FBN2: variants seen among roughly 807,000 people sequenced by gnomAD.
The protein encoded by FBN2 is fibrillin 2.
A neutral mutation model predicts 355.6 loss-of-function variants in FBN2; 105 were observed. That is an observed-to-expected ratio of 0.30 (90% CI 0.25 to 0.35). The LOEUF (loss-of-function observed/expected upper bound fraction) is 0.35, where lower values mean the gene tolerates loss of function less well. Among genes scored for constraint, FBN2 ranks in the 10% least tolerant of loss-of-function variants. The pLI is 1.00. For missense variants in FBN2, 3,280 were observed against 3,758.7 expected, an observed-to-expected ratio of 0.87 and a Z score of 3.33; for synonymous variants, 1,350 against 1,301.2, an observed-to-expected ratio of 1.04 and a Z score of -0.81.
intron 6 of FBN2, among the ~76,000 whole-genome samples, chr5:128,463,591 G>C (rs1754617254): frequency 6.6e-6 from 1 of 152,098 alleles, no homozygotes; most frequent in Non-Finnish European, 1.5e-5. Flanking sequence ...AAAAATCTGT[G>C]GATGCTGCTG....
At chr5:128,533,278 G>A (rs879634096) in intron 2 of FBN2, among the ~76,000 whole-genome samples, 1 of 152,136 alleles carries the variant, frequency 6.6e-6, no homozygotes, top group Non-Finnish European at 1.5e-5. Flanking sequence ...GAGACCCAAA[G>A]TACCTCCACC....
intron 5 of FBN2, among the ~76,000 whole-genome samples, chr5:128,474,311 G>A (rs575216350): frequency 6.6e-6 from 1 of 152,280 alleles, no homozygotes; most frequent in East Asian, 1.9e-4. Flanking sequence ...TAATAAGGGG[G>A]CCAGAGATAT....
intron 32 of FBN2, among the ~76,000 whole-genome samples, chr5:128,331,115 G>C (rs978025700): frequency 6.6e-6 from 1 of 152,082 alleles, no homozygotes; most frequent in East Asian, 1.9e-4. Context: ...TATGATTCTT[G>C]ACCTCATGGA....
chr5:128,287,479 T>C, intron 53 of FBN2, 49 bp from the exon 54 acceptor site: 2 of 1,606,428 alleles, frequency 1.2e-6, no homozygotes, highest in Non-Finnish European at 1.7e-6. Flanking sequence ...GTTCTAATTA[T>C]TTGTGTAACT....
chr5:128,466,652 C>G (rs1346368635), intron 5 of FBN2, among the ~76,000 whole-genome samples: 2 of 152,142 alleles, frequency 1.3e-5, no homozygotes, highest in Non-Finnish European at 2.9e-5. Context: ...GAAACAAAAT[C>G]GAGAATAGGT....
chr5:128,259,177 T>C lies in FBN2; in HGVS notation c.*278A>G. On this transcript the variant is annotated 3_prime_UTR_variant, in exon 65 of 65. Transcript: ENST00000262464. ...TTATTTTTGTGCATTTAGTGCCATA[T>C]GCTGATATCTTGAACATTTAGGTTT... 2 of 404,856 alleles carry C rather than the reference T, an allele frequency of 4.9e-6. No homozygotes were observed. The highest frequency in any genetic ancestry group is 9.0e-6 in the Non-Finnish European group (2 of 222,394). The allele number at this position is 404,856 out of a possible 1,614,324, so 25.1% of individuals were successfully genotyped here.
chr5:128,526,266 G>A (rs1236057523), intron 4 of FBN2, among the ~76,000 whole-genome samples: 1 of 152,038 alleles, frequency 6.6e-6, no homozygotes, highest in South Asian at 2.1e-4. Flanking sequence ...GGTTTGGCAA[G>A]TATATAGAGT....
Position 128,259,716 on chromosome 5 carries a change from C to A in FBN2, c.8478G>T (p.Gln2826His), listed in dbSNP as rs1161871936. The change falls in exon 65 of 65, where the codon CAG (glutamine) becomes CAT (histidine). Residue 2826 changes from glutamine (Q) to histidine (H), a missense_variant. By Grantham distance (24) the Gln-to-His change is conservative. Coordinates refer to ENST00000262464, the MANE Select transcript of FBN2 (RefSeq NM_001999.4). ...EHILELRPAI[Q>H]PLNNHIRYVI... ...CATAACGGATGTGGTTGTTGAGGGG[C>A]TGGATGGCGGGCCTTAGTTCCAGGA... 6.2e-7 allele frequency: 1 copy of A among 1,613,802 alleles called. No homozygotes were observed. The highest frequency in any genetic ancestry group is 1.1e-5 in the South Asian group (1 of 91,056).
intron 28 of FBN2, among the ~76,000 whole-genome samples, 169 bp downstream of exon 28, chr5:128,335,819 A>T (rs574755682): frequency 1.3e-5 from 2 of 152,364 alleles, no homozygotes; most frequent in Admixed American, 1.3e-4. Context: ...TTCTACATTA[A>T]GATGAGTGAG....
intron 7 of FBN2, among the ~76,000 whole-genome samples, chr5:128,436,844 A>G (rs1232725354): frequency 1.3e-5 from 2 of 152,104 alleles, no homozygotes; most frequent in Non-Finnish European, 2.9e-5. Flanking sequence ...TCCCTCACCA[A>G]TCTGGACAGA....
intron 11 of FBN2, among the ~76,000 whole-genome samples, chr5:128,390,087 TGCTAGATTGGA>T (rs1460607397): frequency 2.6e-5 from 4 of 152,188 alleles, no homozygotes; most frequent in African/African-American, 7.2e-5. Context: ...CAGATCCTGC[TGCTAGATTGGA>T]TATTCCTGAT....
At chr5:128,263,372 C>G (rs1328560900) in intron 63 of FBN2, 53 bp downstream of exon 63, 1 of 1,380,122 alleles carries the variant, frequency 7.2e-7, no homozygotes, top group East Asian at 2.3e-5. Context: ...GTGGCCTGAA[C>G]TCACTCAGGA....
Position 128,318,408 on chromosome 5 carries a change from A to G in FBN2, c.4595-137T>C. On this transcript the variant is annotated intron_variant, in intron 35 of 64. Coordinates refer to ENST00000262464, the MANE Select transcript of FBN2 (RefSeq NM_001999.4). Reference sequence around the variant, plus strand: ...GGAAAGACTCAACACAATAAAATAAATATCTTAAATTTTGGTATATACCTA... The same window carrying G: ...GGAAAGACTCAACACAATAAAATAAGTATCTTAAATTTTGGTATATACCTA... The G allele has an allele frequency of 1.9e-5, 17 of 909,212 alleles. No individual in the cohort carries two copies. In the South Asian group the frequency reaches 1.9e-4, roughly 10 times the overall value. 56.3% of individuals were successfully genotyped at this position (909,212 alleles called of 1,614,324 possible). A position where few individuals can be genotyped will look rare whatever the true frequency, so the allele number is the denominator to read the frequency against.
Position 128,450,610 on chromosome 5 carries a change from C to T in FBN2, c.827-4004G>A, listed in dbSNP as rs191094126. ...AAGAGAAGCTTCTTAAATCAATGAT[C>T]TCAGTTTCCATATTAAGACATTTTA... On this transcript the variant is annotated intron_variant, in intron 6 of 64. Coordinates refer to ENST00000262464, the MANE Select transcript of FBN2 (RefSeq NM_001999.4). Among the ~76,000 whole-genome samples, 15 of 152,010 alleles carry T rather than the reference C, an allele frequency of 9.9e-5. No individual in the cohort carries two copies. The East Asian group carries it at 2.7e-3, about 27-fold the overall frequency.
intron 32 of FBN2, 66 bp from the exon 33 acceptor site, chr5:128,330,761 G>A (rs181462028): frequency 0.015 from 23,298 of 1,561,430 alleles, 228 homozygotes; most frequent in Non-Finnish European, 0.017. Context: ...AAAGATTATC[G>A]TTTGTCTTAA....
chr5:128,292,768 T>C (rs1749362762), intron 48 of FBN2, among the ~76,000 whole-genome samples: 2 of 152,160 alleles, frequency 1.3e-5, no homozygotes, highest in Admixed American at 1.3e-4. Flanking sequence ...CTTTGGTTGA[T>C]CAGTAAAATC....
At chr5:128,529,191 G>A (rs1221687029) in intron 3 of FBN2, among the ~76,000 whole-genome samples, 1 of 152,112 alleles carries the variant, frequency 6.6e-6, no homozygotes, top group Non-Finnish European at 1.5e-5. Flanking sequence ...GGGATCTCCA[G>A]TGTAGATAAA....
intron 33 of FBN2, among the ~76,000 whole-genome samples, chr5:128,329,299 C>T (rs1322009118): frequency 1.3e-5 from 2 of 152,114 alleles, no homozygotes; most frequent in African/African-American, 4.8e-5. Flanking sequence ...TCTTTCATGT[C>T]ATTACAATCT....
chr5:128,263,571 C>A lies in FBN2; in HGVS notation c.8046G>T (p.Ser2682=), dbSNP rs771507975. 6.9e-5 allele frequency: 111 copies of A among 1,613,912 alleles called. No individual in the cohort carries two copies. The Middle Eastern group carries it at 9.9e-4, about 14-fold the overall frequency. Residue 2682 remains serine (S), a synonymous_variant, in exon 63 of 65, where the codon TCG becomes TCT. Coordinates refer to ENST00000262464, the MANE Select transcript of FBN2 (RefSeq NM_001999.4). The part of the protein sequence containing the change: ...TLGSYKCACP[S]GFSFDQFSSA... The stretch of plus-strand genomic sequence containing the variant: ...TGGAGAACTGGTCGAAGGAGAACCC[C>A]GAGGGGCAGGCGCACTTGTAACTCC...
Sources: allele counts gnomAD v4.1 joint callset (sites outside exome capture counted in the v4.1 genomes callset), GRCh38; gene constraint gnomAD v4.1.1; transcripts MANE v1.5; gene names NCBI Gene and HGNC (gene_info 2026-07-23, HGNC 2026-07-21).